Variants in TF observed in about 807,000 individuals in gnomAD.
The protein encoded by TF is transferrin, also known as serotransferrin.
TF carries 55 observed loss-of-function variants against 82.4 expected under a neutral mutation model. The observed-to-expected ratio is 0.67, with a 90% confidence interval of 0.54 to 0.84. The LOEUF is 0.84. Among genes scored for constraint, TF ranks in the 40% least tolerant of loss-of-function variants. The pLI is 0.00. For synonymous variants in TF, 332 were observed against 332.6 expected (o/e 1.00, Z 0.02); for missense variants, 737 against 868.4 (o/e 0.85, Z 1.90).
chr3:133,731,957 A>AG, the TF span, among the ~76,000 whole-genome samples: 1 of 152,160 alleles, frequency 6.6e-6, no homozygotes, highest in Non-Finnish European at 1.5e-5. Flanking sequence ...TAGTATACAG[A>AG]GAAAAAGTCC....
At chr3:133,725,083 G>A in the TF span, among the ~76,000 whole-genome samples, 1 of 152,182 alleles carries the variant, frequency 6.6e-6, no homozygotes, top group East Asian at 1.9e-4. Flanking sequence ...TTGAAATCAG[G>A]TAGCGTGATG....
the TF span, among the ~76,000 whole-genome samples, chr3:133,695,565 A>T: frequency 6.6e-6 from 1 of 152,144 alleles, no homozygotes; most frequent in Non-Finnish European, 1.5e-5. Flanking sequence ...CTTATATCTG[A>T]TAGAAATTTA....
chr3:133,735,581 C>G, the TF span, among the ~76,000 whole-genome samples: 1 of 152,010 alleles, frequency 6.6e-6, no homozygotes, highest in Non-Finnish European at 1.5e-5. Flanking sequence ...GAATTGCTAA[C>G]TACAATAATC....
intron 7 of TF, 33 bp downstream of exon 7, chr3:133,757,042 A>T (rs1470830827): frequency 6.2e-7 from 1 of 1,613,890 alleles, no homozygotes; most frequent in Middle Eastern, 1.6e-4. Flanking sequence ...CCTCCAGCTT[A>T]GTGCTCCCTG....
chr3:133,728,444 A>G, the TF span, among the ~76,000 whole-genome samples: 1 of 151,780 alleles, frequency 6.6e-6, no homozygotes, highest in African/African-American at 2.4e-5. Context: ...AGTTCATTGC[A>G]TCAGCTCCTG....
the TF span, among the ~76,000 whole-genome samples, chr3:133,736,600 T>A: frequency 2.4e-5 from 1 of 40,992 alleles, no homozygotes; most frequent in Non-Finnish European, 4.6e-5. Context: ...AATAAAGAGA[T>A]AGAAGAAGAT....
chr3:133,669,382 G>A, the TF span, among the ~76,000 whole-genome samples: 1 of 151,988 alleles, frequency 6.6e-6, no homozygotes, highest in Non-Finnish European at 1.5e-5. Flanking sequence ...CTGTTTTCTG[G>A]GTCTGCTCAA....
chr3:133,755,419 C>T lies in TF; in HGVS notation c.559C>T (p.Pro187Ser), dbSNP rs751656601. ...CCCTTGTGCGGATGGGACGGACTTC[C>T]CCCAGCTGTGTCAACTGTGTCCAGG... ...CAPCADGTDF[P>S]QLCQLCPGCG... is the part of the protein sequence containing the mutation. Residue 187 changes from proline to serine, a missense_variant, in exon 5 of 17, where the codon CCC becomes TCC. Coordinates refer to ENST00000402696, the MANE Select transcript of TF (RefSeq NM_001063.4). 6.2e-7 allele frequency: 1 copy of T among 1,614,202 alleles called. No individual in the cohort carries two copies. The highest frequency in any genetic ancestry group is 1.3e-5 in the African/African-American group (1 of 75,046).
At position 133,790,880 on chromosome 3, in the gene TF, T is replaced by C. The variant is rs1934813908; in HGVS notation, c.*12260T>C. ...ACTGAATTGTGTATCAGGAACAAAA[T>C]ATTCATTATGTGGGTTTTGGGGGGC... On this transcript the variant is annotated 3_prime_UTR_variant, in exon 17 of 17. Coordinates refer to ENST00000402696, the MANE Select transcript of TF (RefSeq NM_001063.4). 6.6e-6 allele frequency: 1 copy of C among 152,146 alleles called. No homozygotes were observed. The highest frequency in any genetic ancestry group is 1.5e-5 in the Non-Finnish European group (1 of 68,020). The allele number at this position is 152,146 out of a possible 1,614,324, so 9.4% of individuals were successfully genotyped here. A position where few individuals can be genotyped will look rare whatever the true frequency, so the allele number is the denominator to read the frequency against.
intron 8 of TF, 135 bp downstream of exon 8, chr3:133,758,081 G>A: frequency 3.9e-6 from 3 of 773,026 alleles, no homozygotes; most frequent in Non-Finnish European, 6.2e-6. Context: ...TGTGAGCCCA[G>A]TGTTAGACTG....
chr3:133,712,623 G>A, the TF span: 1 of 153,092 alleles, frequency 6.5e-6, no homozygotes, highest in Non-Finnish European at 1.5e-5. Flanking sequence ...CACAGGCAGG[G>A]AGGGCTGATC....
the TF span, among the ~76,000 whole-genome samples, chr3:133,683,747 A>G: frequency 6.6e-6 from 1 of 152,218 alleles, no homozygotes; most frequent in Admixed American, 6.5e-5. Context: ...CCACACAATA[A>G]TAATGGGAGA....
the TF span, among the ~76,000 whole-genome samples, chr3:133,720,131 T>C: frequency 1.3e-5 from 2 of 152,086 alleles, no homozygotes; most frequent in African/African-American, 4.8e-5. Flanking sequence ...ATTTCCAATA[T>C]TAAGATGAAT....
intron 15 of TF, among the ~76,000 whole-genome samples, chr3:133,775,987 G>T (rs548336185): frequency 3.7e-4 from 56 of 152,262 alleles, no homozygotes; most frequent in African/African-American, 1.3e-3. Context: ...AAATATGTTA[G>T]CTGTGTAATT....
chr3:133,663,683 C>CTG, the TF span, among the ~76,000 whole-genome samples: 3 of 152,170 alleles, frequency 2.0e-5, no homozygotes, highest in Non-Finnish European at 2.9e-5. Flanking sequence ...AGTTCAGGGA[C>CTG]TGTGTCACTT....
At chr3:133,768,881 C>A (rs1934194446) in intron 13 of TF, among the ~76,000 whole-genome samples, 2 of 149,850 alleles carry the variant, frequency 1.3e-5, no homozygotes, top group African/African-American at 4.9e-5. Context: ...CAGCCTCAAC[C>A]TGCTGAGCTC....
chr3:133,745,364 C>T (rs116018617), upstream of TF, among the ~76,000 whole-genome samples: 124 of 152,304 alleles, frequency 8.1e-4, 1 homozygote, highest in African/African-American at 2.8e-3. Flanking sequence ...TATATTATGC[C>T]TTGAGATAAT....
the TF span, chr3:133,688,486 A>G: frequency 2.0e-5 from 3 of 152,236 alleles, no homozygotes; most frequent in Non-Finnish European, 4.4e-5. Flanking sequence ...TAGAGGAGAA[A>G]GAAACAAGCC....
At chr3:133,777,919 CAT>C (rs1333739706) in intron 16 of TF, 2 of 156,446 alleles carry the variant, frequency 1.3e-5, no homozygotes, top group African/African-American at 4.8e-5. Flanking sequence ...TGGGGAATAA[CAT>C]GTGGTGTAGG....
Sources: gnomAD v4.1 joint callset for allele counts (sites outside exome capture counted in the v4.1 genomes callset) on GRCh38, gnomAD v4.1.1 for gene constraint, MANE v1.5 for transcripts, NCBI Gene and HGNC (gene_info 2026-07-23, HGNC 2026-07-21) for gene names.